MAML2: variants seen among roughly 807,000 people sequenced by gnomAD.
MAML2 encodes the protein mastermind like transcriptional coactivator 2, also known as mastermind-like protein 2.
MAML2 carries 22 observed loss-of-function variants against 96.1 expected under a neutral mutation model. The observed-to-expected ratio is 0.23, with a 90% CI of 0.16 to 0.33. MAML2 has a LOEUF of 0.33. MAML2 is among the 10% of genes least tolerant of loss of function. The pLI is 1.00. For synonymous variants in MAML2, 561 were observed against 521.3 expected (o/e 1.08, Z -1.04); for missense variants, 1,367 against 1,392.4 (o/e 0.98, Z 0.29).
At chr11:96,281,308 G>A (rs1272120409) in intron 1 of MAML2, among the ~76,000 whole-genome samples, 3 of 152,150 alleles carry the variant, frequency 2.0e-5, no homozygotes, top group Non-Finnish European at 4.4e-5. Context: ...GGGTCTGGTG[G>A]CAGGTGATGG....
chr11:96,072,466 A>G (rs1859362501), intron 2 of MAML2, among the ~76,000 whole-genome samples: 1 of 152,236 alleles, frequency 6.6e-6, no homozygotes, highest in South Asian at 2.1e-4. Context: ...TTTCTCTTAC[A>G]TATATAAAAA....
intron 1 of MAML2, among the ~76,000 whole-genome samples, chr11:96,336,726 A>G (rs1049609692): frequency 2.0e-5 from 3 of 152,160 alleles, no homozygotes; most frequent in Admixed American, 6.5e-5. Flanking sequence ...ACAAACACAA[A>G]CAACAACAAA....
At chr11:96,165,658 G>A (rs755665604) in intron 1 of MAML2, among the ~76,000 whole-genome samples, 4 of 152,224 alleles carry the variant, frequency 2.6e-5, no homozygotes, top group Admixed American at 6.5e-5. Context: ...CAAAGATTAC[G>A]AATATTTTTA....
At chr11:96,278,527 G>A (rs1180641577) in intron 1 of MAML2, among the ~76,000 whole-genome samples, 1 of 152,146 alleles carries the variant, frequency 6.6e-6, no homozygotes, top group Non-Finnish European at 1.5e-5. Flanking sequence ...CATTATGATT[G>A]ACTGAGTATT....
chr11:96,272,975 T>C (rs914868752), intron 1 of MAML2, among the ~76,000 whole-genome samples: 7 of 152,246 alleles, frequency 4.6e-5, no homozygotes, highest in African/African-American at 7.2e-5. Flanking sequence ...GCTGAGACTA[T>C]TTCTATTTTA....
chr11:96,169,236 A>C (rs2135898035), intron 1 of MAML2, among the ~76,000 whole-genome samples: 1 of 152,340 alleles, frequency 6.6e-6, no homozygotes, highest in Non-Finnish European at 1.5e-5. Flanking sequence ...AATCAATAGC[A>C]ACACAACTGG....
chr11:96,339,059 C>T (rs1235453257), intron 1 of MAML2, among the ~76,000 whole-genome samples: 1 of 152,172 alleles, frequency 6.6e-6, no homozygotes, highest in Non-Finnish European at 1.5e-5. Flanking sequence ...TTCCAACAAC[C>T]CGTGCAATGC....
At chr11:96,295,331 G>A (rs1031951672) in intron 1 of MAML2, among the ~76,000 whole-genome samples, 5 of 152,084 alleles carry the variant, frequency 3.3e-5, no homozygotes, top group Non-Finnish European at 5.9e-5. Flanking sequence ...TCTATATTTA[G>A]AAACATAGGA....
chr11:96,298,222 T>C (rs1373849449), intron 1 of MAML2, among the ~76,000 whole-genome samples: 1 of 152,210 alleles, frequency 6.6e-6, no homozygotes, highest in Non-Finnish European at 1.5e-5. Context: ...ATATCTTCTA[T>C]TGCAAACAGC....
At chr11:96,035,559 T>C (rs968045978) in intron 2 of MAML2, among the ~76,000 whole-genome samples, 1 of 152,172 alleles carries the variant, frequency 6.6e-6, no homozygotes, top group Non-Finnish European at 1.5e-5. Context: ...CTGAAATCAC[T>C]GGGCAACAGT....
At chr11:96,263,931 A>T (rs1322321695) in intron 1 of MAML2, among the ~76,000 whole-genome samples, 1 of 152,234 alleles carries the variant, frequency 6.6e-6, no homozygotes, top group Non-Finnish European at 1.5e-5. Context: ...GCATTAGTGT[A>T]TTAACAGACC....
chr11:96,079,775 A>G (rs561577901), intron 2 of MAML2, among the ~76,000 whole-genome samples: 1 of 152,122 alleles, frequency 6.6e-6, no homozygotes, highest in East Asian at 1.9e-4. Flanking sequence ...ACAAATAGAG[A>G]GACAAAAGGG....
intron 4 of MAML2, among the ~76,000 whole-genome samples, chr11:95,983,179 T>C (rs920288389): frequency 6.6e-6 from 1 of 152,116 alleles, no homozygotes; most frequent in African/African-American, 2.4e-5. Context: ...TGGGTCAAGA[T>C]GTGGTGGATG....
intron 1 of MAML2, among the ~76,000 whole-genome samples, chr11:96,244,225 A>T (rs2135962640): frequency 6.6e-6 from 1 of 152,350 alleles, no homozygotes; most frequent in South Asian, 2.1e-4. Flanking sequence ...ATCTGCCTTA[A>T]GGGCACTTAC....
chr11:96,034,485 G>T (rs1318158555), intron 2 of MAML2, among the ~76,000 whole-genome samples: 2 of 149,638 alleles, frequency 1.3e-5, no homozygotes, highest in African/African-American at 5.0e-5. Context: ...GTCAGAGAGA[G>T]ATTTCTTCTG....
rs921266286 is a variant in MAML2, at chr11:96,343,184, A to AAG, written c.-1291_-1290dup. 38 of 272,924 alleles carry AAG rather than the reference A, an allele frequency of 1.4e-4. No homozygotes were observed. Among genetic ancestry groups the AAG allele is most frequent in the Non-Finnish European group, 2.2e-4 (32 of 147,128 alleles). 16.9% of individuals were successfully genotyped at this position (272,924 alleles called of 1,614,324 possible). A position where few individuals can be genotyped will look rare whatever the true frequency, so the allele number is the denominator to read the frequency against. ...TGTGCTCCGATAGGAGAGGGAGAGA[A>AAG]AGAGAGAGAGTGAGACAGAGAAGGA... On this transcript the variant is annotated 5_prime_UTR_variant, in exon 1 of 5. Transcript: ENST00000524717.
chr11:96,204,747 T>C (rs1861873111), intron 1 of MAML2, among the ~76,000 whole-genome samples: 1 of 152,256 alleles, frequency 6.6e-6, no homozygotes, highest in Non-Finnish European at 1.5e-5. Flanking sequence ...TACAGCCACT[T>C]AGTAGCAGAG....
intron 1 of MAML2, among the ~76,000 whole-genome samples, chr11:96,099,301 T>A (rs1237771128): frequency 6.6e-6 from 1 of 152,196 alleles, no homozygotes; most frequent in African/African-American, 2.4e-5. Context: ...ATGTTTAGGA[T>A]CCAGGAATAG....
chr11:96,049,581 T>C (rs1394582563), intron 2 of MAML2, among the ~76,000 whole-genome samples: 2 of 152,192 alleles, frequency 1.3e-5, no homozygotes, highest in Non-Finnish European at 2.9e-5. Context: ...GGCTCCACTA[T>C]GTATAGCTGA....
Sources: allele counts gnomAD v4.1 joint callset (sites outside exome capture counted in the v4.1 genomes callset), GRCh38; gene constraint gnomAD v4.1.1; transcripts MANE v1.5; gene names NCBI Gene and HGNC (gene_info 2026-07-23, HGNC 2026-07-21).